Variants in EPHX3 observed in about 807,000 individuals in gnomAD.
EPHX3 encodes the protein epoxide hydrolase 3, also known as abhydrolase domain containing 9.
EPHX3 carries 39 observed loss-of-function variants against 40.2 expected under a neutral mutation model. The observed-to-expected ratio is 0.97, with a 90% CI of 0.75 to 1.27. The LOEUF is 1.27. Among genes scored for constraint, EPHX3 ranks in the 50% most tolerant of loss-of-function variants. The pLI, the probability that EPHX3 is intolerant of heterozygous loss-of-function variation, is 0.00. For synonymous variants in EPHX3, 213 were observed against 209.7 expected, an observed-to-expected ratio of 1.02 and a Z score of -0.14; for missense variants, 442 against 474.0, an observed-to-expected ratio of 0.93 and a Z score of 0.63.
intron 1 of EPHX3, 36 bp downstream of exon 1, chr19:15,231,933 G>T: frequency 6.2e-7 from 1 of 1,612,476 alleles, no homozygotes; most frequent in South Asian, 1.1e-5. Context: ...GACCCCACGC[G>T]ACCCCGCAGC....
Position 15,232,144 on chromosome 19 carries a change from A to C in EPHX3, c.68T>G (p.Phe23Cys), listed in dbSNP as rs554343808. ...CACCGAGAACACCAGGCTCCACATG[A>C]AGGCGCGCAGCAGCTTCAGCGACAG... ...SRLSLKLLRA[F>C]MWSLVFSVAL... Residue 23 changes from phenylalanine to cysteine, a missense_variant, in exon 1 of 7, where the codon TTC becomes TGC. Physicochemically the swap from Phe to Cys is radical, Grantham distance 205. Coordinates refer to ENST00000221730, the MANE Select transcript of EPHX3 (RefSeq NM_024794.3). 3.3e-6 allele frequency: 5 copies of C among 1,535,050 alleles called. No homozygotes were observed. The East Asian group carries it at 1.2e-4, about 38-fold the overall frequency.
rs2047123524 is a variant in EPHX3 at position 15,227,776 on chromosome 19, G to T, written c.852C>A (p.Leu284=). Residue 284 remains leucine (L), a synonymous_variant, in exon 6 of 7, where the codon CTC becomes CTA. Transcript: ENST00000221730. ...LTGPLNYYRN[L]FRNFPLEPQE... Reference sequence around the variant, plus strand: ...TGCTTGGCAACTGGTCTCACCTGAAGAGGTTTCGGTAGTAGTTGAGGGGCC... The same window carrying T: ...TGCTTGGCAACTGGTCTCACCTGAATAGGTTTCGGTAGTAGTTGAGGGGCC... 1 of 1,613,908 alleles carries T rather than the reference G, an allele frequency of 6.2e-7. No homozygotes were observed. The highest frequency in any genetic ancestry group is 8.5e-7 in the Non-Finnish European group (1 of 1,179,948).
chr19:15,229,940 CAA>C (rs1224607498), intron 4 of EPHX3, among the ~76,000 whole-genome samples: 5 of 66,540 alleles, frequency 7.5e-5, no homozygotes, highest in Middle Eastern at 9.4e-3. Flanking sequence ...AAAAAAACAA[CAA>C]AAGAGAGAGA....
chr19:15,231,372 C>CCGGAGCTGGTAA lies in EPHX3; in HGVS notation c.342_353dup (p.Tyr115_Arg118dup), dbSNP rs769388090. On this transcript the variant is annotated inframe_insertion, in exon 3 of 7. Coordinates refer to ENST00000221730, the MANE Select transcript of EPHX3 (RefSeq NM_024794.3). ...CAACATGGAAGCGGCTCTGGAACTC[C>CCGGAGCTGGTAA]CGGAGCTGGTAACGCCAGGAGAACC... 12 of 1,613,812 alleles carry CCGGAGCTGGTAA rather than the reference C, an allele frequency of 7.4e-6. No homozygotes were observed. Among genetic ancestry groups the CCGGAGCTGGTAA allele is most frequent in the Non-Finnish European group, 1.0e-5 (12 of 1,179,988 alleles).
rs1255615195 is a variant in EPHX3 at position 15,232,023 on chromosome 19, G to A, written c.189C>T (p.Ser63=). 6 of 1,597,988 alleles carry A rather than the reference G, an allele frequency of 3.8e-6. No individual in the cohort carries two copies. Among genetic ancestry groups the A allele is most frequent in the Non-Finnish European group, 5.1e-6 (6 of 1,176,852 alleles). The change falls in exon 1 of 7, where the codon TCC becomes TCT. Residue 63 remains serine (S), a synonymous_variant. Coordinates refer to ENST00000221730, the MANE Select transcript of EPHX3 (RefSeq NM_024794.3). The stretch of plus-strand genomic sequence containing the variant: ...GCGAGGGGTCGCTCAGGCAGGCGGG[G>A]GACGCGCTCCGACGGCGCCCGCAGC... ...RGCCGRRRSA[S]PACLSDPSLG...
intron 4 of EPHX3, among the ~76,000 whole-genome samples, chr19:15,230,694 T>C (rs886744557): frequency 6.6e-6 from 1 of 150,502 alleles, no homozygotes; most frequent in African/African-American, 2.4e-5. Context: ...GGTCTTGCTA[T>C]GTTGACCAGA....
upstream of EPHX3, among the ~76,000 whole-genome samples, chr19:15,234,154 T>C (rs1307390382): frequency 2.6e-5 from 4 of 151,984 alleles, no homozygotes; most frequent in Admixed American, 2.0e-4. Flanking sequence ...CACTTAACCA[T>C]AGAGCAACCC....
intron 1 of EPHX3, 44 bp downstream of exon 1, chr19:15,231,925 C>T: frequency 6.2e-7 from 1 of 1,612,582 alleles, no homozygotes; most frequent in Non-Finnish European, 8.5e-7. Context: ...ACCGTCTCGA[C>T]CCCACGCGAC....
At position 15,228,117 on chromosome 19, in the gene EPHX3, G is replaced by C. The variant is rs766390377; in HGVS notation, c.617-17C>G. 1 of 1,534,676 alleles carries C rather than the reference G, an allele frequency of 6.5e-7. No individual in the cohort carries two copies. Among genetic ancestry groups the C allele is most frequent in the South Asian group, 1.2e-5 (1 of 86,776 alleles). The stretch of plus-strand genomic sequence containing the variant: ...GGGAATAGTCTGGGGTGGGAGGGTT[G>C]GGGGAGAGATATAAGGCCTGCTCCT... On this transcript the variant is annotated splice_polypyrimidine_tract_variant and intron_variant, in intron 4 of 6. Coordinates refer to ENST00000221730, the MANE Select transcript of EPHX3 (RefSeq NM_024794.3).
At position 15,227,911 on chromosome 19, in the gene EPHX3, G is replaced by T; in HGVS notation, c.721-4C>A. The T allele has an allele frequency of 6.2e-7, 1 of 1,614,058 alleles. No individual in the cohort carries two copies. The highest frequency in any genetic ancestry group is 8.5e-7 in the Non-Finnish European group (1 of 1,180,022). On this transcript the variant is annotated splice_polypyrimidine_tract_variant and splice_region_variant and intron_variant, in intron 5 of 6. Transcript: ENST00000221730. Reference sequence around the variant, plus strand: ...GGGTGAGGGTGGTCTTCAGAATCTAGGTACACAGCAGGACTCTGGCTTCAG... The same window carrying T: ...GGGTGAGGGTGGTCTTCAGAATCTATGTACACAGCAGGACTCTGGCTTCAG...
chr19:15,236,177 C>T (rs1053080627), upstream of EPHX3: 1 of 152,170 alleles, frequency 6.6e-6, no homozygotes, highest in Non-Finnish European at 1.5e-5. Context: ...GGAGAATAAA[C>T]AGTGCTAGAA....
intron 4 of EPHX3, among the ~76,000 whole-genome samples, chr19:15,228,679 G>A (rs1224288491): frequency 2.0e-5 from 3 of 151,274 alleles, no homozygotes; most frequent in Non-Finnish European, 2.9e-5. Context: ...CACCACGTCC[G>A]GCTAATTTTT....
chr19:15,229,871 G>A (rs2047140453), intron 4 of EPHX3, among the ~76,000 whole-genome samples: 1 of 51,594 alleles, frequency 1.9e-5, no homozygotes, highest in South Asian at 6.6e-4. Flanking sequence ...TGGCGACAGA[G>A]CAAGACTCTG....
chr19:15,236,595 C>T (rs971392543), upstream of EPHX3: 1 of 154,678 alleles, frequency 6.5e-6, no homozygotes, highest in African/African-American at 2.4e-5. Context: ...TAGAGCACAC[C>T]CTCCACCTCA....
chr19:15,227,708 G>A (rs2047123006), intron 6 of EPHX3, 46 bp from the exon 7 acceptor site: 1 of 1,610,344 alleles, frequency 6.2e-7, no homozygotes, highest in East Asian at 2.2e-5. Flanking sequence ...GCAGAAGGAT[G>A]GTTGCCTCCC....
In EPHX3 at chr19:15,227,993, G is replaced by A. The variant is rs201259395; in HGVS notation, c.720+4C>T. 683 of 1,613,206 alleles carry A rather than the reference G, an allele frequency of 4.2e-4. No homozygotes were observed. Among genetic ancestry groups the A allele is most frequent in the Non-Finnish European group, 5.4e-4 (641 of 1,179,512 alleles). On this transcript the variant is annotated splice_donor_region_variant and intron_variant, in intron 5 of 6. Coordinates refer to ENST00000221730, the MANE Select transcript of EPHX3 (RefSeq NM_024794.3). ...CTCCTCCCTTCAACCTGCACCCTCT[G>A]TACCTGAAAGTCAGACATAGACAGC...
chr19:15,233,608 G>C (rs1041385962), upstream of EPHX3, among the ~76,000 whole-genome samples: 1 of 152,252 alleles, frequency 6.6e-6, no homozygotes, highest in Non-Finnish European at 1.5e-5. Context: ...CCGAGGAGGC[G>C]TGGATACCCT....
At chr19:15,233,482 C>T (rs1276262514), upstream of EPHX3, 3 of 152,446 alleles carry the variant, frequency 2.0e-5, no homozygotes, top group African/African-American at 7.2e-5. Context: ...CCAACAGGCC[C>T]GCCAGCCCGC....
intron 1 of EPHX3, 42 bp from the exon 2 acceptor site, chr19:15,231,903 C>T (rs769853419): frequency 1.2e-6 from 2 of 1,613,140 alleles, no homozygotes; most frequent in Non-Finnish European, 1.7e-6. Flanking sequence ...AACCCTCTCT[C>T]CCGAGGCTTG....
Sources: allele counts gnomAD v4.1 joint callset (sites outside exome capture counted in the v4.1 genomes callset), GRCh38; gene constraint gnomAD v4.1.1; transcripts MANE v1.5; gene names NCBI Gene and HGNC (gene_info 2026-07-23, HGNC 2026-07-21).